The following ANK2 variants were observed in gnomAD, a reference collection of about 807,000 sequenced individuals.
ANK2 encodes the protein ankyrin 2, also known as ankyrin-2.
A neutral mutation model predicts 360.5 loss-of-function variants in ANK2; 83 were observed. The observed-to-expected ratio is 0.23, with a 90% confidence interval of 0.19 to 0.28. The LOEUF is 0.28. Among genes scored for constraint, ANK2 ranks in the 10% least tolerant of loss-of-function variants. The pLI is 1.00. For missense variants in ANK2, 4,201 were observed against 4,795.7 expected (o/e 0.88, Z 3.66); for synonymous variants, 1,740 against 1,759.5 (o/e 0.99, Z 0.28).
intron 1 of ANK2, among the ~76,000 whole-genome samples, chr4:113,163,315 A>G (rs2097606324): frequency 6.6e-6 from 1 of 152,264 alleles, no homozygotes; most frequent in Non-Finnish European, 1.5e-5. Context: ...AATTGTCACA[A>G]ATATGCAAAA....
chr4:112,939,565 T>G (rs2094040827), intron 2 of ANK2, among the ~76,000 whole-genome samples: 1 of 152,172 alleles, frequency 6.6e-6, no homozygotes, highest in Non-Finnish European at 1.5e-5. Flanking sequence ...TCCTCCTGCC[T>G]CAGCCTCCCA....
the ANK2 span, among the ~76,000 whole-genome samples, chr4:112,810,930 C>A: frequency 7.3e-6 from 1 of 137,068 alleles, no homozygotes; most frequent in Non-Finnish European, 1.5e-5. Context: ...TTCTTTCTTT[C>A]TTTTTTTTTT....
chr4:113,299,632 A>G (rs11940611), intron 22 of ANK2, among the ~76,000 whole-genome samples: 1,536 of 151,672 alleles, frequency 0.01, 21 homozygotes, highest in African/African-American at 0.034. Context: ...TTGAACCTGG[A>G]AGGCGGAGGT....
chr4:113,156,417 C>G (rs543357121), intron 1 of ANK2, among the ~76,000 whole-genome samples: 1 of 141,786 alleles, frequency 7.1e-6, no homozygotes, highest in South Asian at 2.1e-4. Flanking sequence ...ATAGCCCAGG[C>G]TGGAGTGCAG....
chr4:112,866,660 A>G (rs1420708622), intron 1 of ANK2, among the ~76,000 whole-genome samples: 2 of 152,182 alleles, frequency 1.3e-5, no homozygotes, highest in Admixed American at 6.5e-5. Context: ...TAACATTGGT[A>G]TAAACTTTTT....
In ANK2 at chr4:113,356,589, C is replaced by G. The variant is rs146085234; in HGVS notation, c.7971C>G (p.Ser2657Arg). The change falls in exon 38 of 46, where the codon AGC becomes AGG. Residue 2657 changes from serine to arginine, a missense_variant. Transcript: ENST00000357077. ...TCCCTGTGTTAGTAACTTCGGAGAG[C>G]AGGAAGGTGTCTTCCTCCTCAGAAA... ...SGVPVLVTSE[S>R]RKVSSSSESE... is the part of the protein sequence containing the mutation. 61 of 1,614,076 alleles carry G rather than the reference C, an allele frequency of 3.8e-5. No individual in the cohort carries two copies. In the South Asian group the frequency reaches 6.0e-4, roughly 16 times the overall value.
intron 23 of ANK2, among the ~76,000 whole-genome samples, chr4:113,307,209 A>G (rs2153809325): frequency 6.6e-6 from 1 of 152,282 alleles, no homozygotes; most frequent in Non-Finnish European, 1.5e-5. Flanking sequence ...TTGGGATGAA[A>G]TATAGAGGCG....
At position 113,328,506 on chromosome 4, in the gene ANK2, A is replaced by T. The variant is rs188873079; in HGVS notation, c.2901-1740A>T. Among the ~76,000 whole-genome samples the T allele has an allele frequency of 4.6e-3, 702 of 152,360 alleles. 3 individuals carry two copies. The highest frequency in any genetic ancestry group is 7.1e-3 in the Non-Finnish European group (486 of 68,036). On this transcript the variant is annotated intron_variant, in intron 26 of 45. Transcript: ENST00000357077. ...TTCATTTAAAAGTCAAATAAAAAAA[A>T]TTTTAAAGAATTCATACTGGAAGAC...
At chr4:112,881,573 CTA>C (rs2150436742) in intron 1 of ANK2, 2 of 271,410 alleles carry the variant, frequency 7.4e-6, no homozygotes, top group African/African-American at 2.2e-5. Context: ...CATGATCAGA[CTA>C]TTACATTTAG....
At chr4:113,097,698 G>A (rs1173134317) in intron 1 of ANK2, among the ~76,000 whole-genome samples, 3 of 151,796 alleles carry the variant, frequency 2.0e-5, no homozygotes, top group Non-Finnish European at 4.4e-5. Flanking sequence ...AGGCCCAGAT[G>A]TAGGGAAATC....
At chr4:113,142,461 C>A (rs933723254) in intron 1 of ANK2, among the ~76,000 whole-genome samples, 62 of 152,206 alleles carry the variant, frequency 4.1e-4, no homozygotes, top group African/African-American at 1.3e-3. Context: ...GTTTTCACAG[C>A]TATGATGTTT....
intron 1 of ANK2, among the ~76,000 whole-genome samples, chr4:112,872,492 C>T (rs2073520720): frequency 6.6e-6 from 1 of 152,158 alleles, no homozygotes; most frequent in Admixed American, 6.5e-5. Context: ...CATGCGCCAT[C>T]ACGCCTGGCT....
chr4:112,859,934 C>T (rs2067449122), intron 1 of ANK2, among the ~76,000 whole-genome samples: 1 of 152,196 alleles, frequency 6.6e-6, no homozygotes, highest in Admixed American at 6.5e-5. Context: ...CATGTGAACA[C>T]ACTAGCTGAT....
chr4:112,746,003 GT>G, the ANK2 span, among the ~76,000 whole-genome samples: 2 of 150,292 alleles, frequency 1.3e-5, no homozygotes, highest in Non-Finnish European at 3.0e-5. Context: ...TGTTATTGTT[GT>G]TTTTTTTCAA....
intron 1 of ANK2, among the ~76,000 whole-genome samples, chr4:112,870,256 A>G (rs1463127221): frequency 6.6e-6 from 1 of 152,084 alleles, no homozygotes; most frequent in African/African-American, 2.4e-5. Context: ...GGCCTCCCAA[A>G]GTGCTGGGAT....
chr4:113,350,787 C>CTA (rs2154006950), intron 37 of ANK2: 1 of 152,328 alleles, frequency 6.6e-6, no homozygotes, highest in Admixed American at 6.5e-5. Context: ...TAACCAATGT[C>CTA]TTTAGAGCTG....
intron 4 of ANK2, chr4:113,213,962 T>TTA (rs1562935041): frequency 4.1e-6 from 2 of 487,646 alleles, no homozygotes; most frequent in African/African-American, 6.9e-5. Context: ...TTTATTTTTT[T>TTA]TTTTTATTTT....
intron 8 of ANK2, 109 bp from the exon 9 acceptor site, chr4:113,242,002 A>T: frequency 1.2e-6 from 1 of 839,892 alleles, no homozygotes. Context: ...GAAACTGTGG[A>T]TCAAATTACC....
intron 2 of ANK2, among the ~76,000 whole-genome samples, chr4:113,014,840 T>C (rs1335810998): frequency 6.9e-6 from 1 of 145,140 alleles, no homozygotes; most frequent in Non-Finnish European, 1.5e-5. Flanking sequence ...TAGATGTGGA[T>C]CATAGAGCTT....
Sources: allele counts gnomAD v4.1 joint callset (sites outside exome capture counted in the v4.1 genomes callset), GRCh38; gene constraint gnomAD v4.1.1; transcripts MANE v1.5; gene names NCBI Gene and HGNC (gene_info 2026-07-23, HGNC 2026-07-21).